POLB: variants seen among roughly 807,000 people sequenced by gnomAD.
POLB encodes the protein 5'-dRP lyase.
POLB carries 37 observed loss-of-function variants against 52.7 expected under a neutral mutation model. The observed-to-expected ratio is 0.70, with a 90% confidence interval of 0.54 to 0.92. The LOEUF (loss-of-function observed/expected upper bound fraction) is 0.92, where lower values mean the gene tolerates loss of function less well. Among genes scored for constraint, POLB ranks in the 40% least tolerant of loss-of-function variants. The pLI is 0.00. For synonymous variants in POLB, 138 were observed against 131.3 expected (o/e 1.05, Z -0.35); for missense variants, 313 against 400.8 (o/e 0.78, Z 1.87).
intron 3 of POLB, among the ~76,000 whole-genome samples, chr8:42,348,290 C>CAAAAA (rs1822757253): frequency 6.6e-6 from 1 of 152,182 alleles, no homozygotes; most frequent in Non-Finnish European, 1.5e-5. Flanking sequence ...TCTGCTCTCC[C>CAAAAA]AAAACTTAGA....
intron 11 of POLB, among the ~76,000 whole-genome samples, chr8:42,364,117 A>G (rs1387387381): frequency 6.6e-6 from 1 of 152,012 alleles, no homozygotes; most frequent in Non-Finnish European, 1.5e-5. Flanking sequence ...AGTAGAGACC[A>G]GGTTTCACCA....
intron 2 of POLB, chr8:42,341,900 T>C (rs1434945234): frequency 3.2e-6 from 2 of 632,108 alleles, no homozygotes; most frequent in Non-Finnish European, 5.8e-6. Context: ...CTTCTTTTCA[T>C]AGACTGGATT....
intron 6 of POLB, among the ~76,000 whole-genome samples, chr8:42,353,394 C>G (rs1361517627): frequency 6.6e-6 from 1 of 151,876 alleles, no homozygotes; most frequent in Non-Finnish European, 1.5e-5. Context: ...AGGCGTGAGC[C>G]ACCGCGCCTG....
At chr8:42,357,702 G>A in intron 9 of POLB, 1 of 228,352 alleles carries the variant, frequency 4.4e-6, no homozygotes, top group African/African-American at 2.3e-5. Flanking sequence ...GTTGTGGGTA[G>A]TTTTGTTAAT....
intron 13 of POLB, among the ~76,000 whole-genome samples, chr8:42,370,740 T>C (rs1427173396): frequency 6.6e-6 from 1 of 152,154 alleles, no homozygotes. Context: ...AGAAGAATAA[T>C]TGTCTTGGGC....
intron 5 of POLB, among the ~76,000 whole-genome samples, chr8:42,352,167 T>G (rs571404601): frequency 6.6e-6 from 1 of 152,244 alleles, no homozygotes; most frequent in Non-Finnish European, 1.5e-5. Context: ...TCTACCCACT[T>G]ACATTCTTAT....
chr8:42,345,024 G>A lies in POLB; in HGVS notation c.186+5G>A, dbSNP rs1372340346. On this transcript the variant is annotated splice_donor_5th_base_variant and intron_variant, in intron 3 of 13. Transcript: ENST00000265421. Reference sequence around the variant, plus strand: ...GGAGCTGAAGCTAAGAAATTGGTAAGTTTAGTTAGCATGTTGATCGAAGAG... The same window carrying A: ...GGAGCTGAAGCTAAGAAATTGGTAAATTTAGTTAGCATGTTGATCGAAGAG... 1 of 1,596,632 alleles carries A rather than the reference G, an allele frequency of 6.3e-7. No individual in the cohort carries two copies. Among genetic ancestry groups the A allele is most frequent in the Non-Finnish European group, 8.6e-7 (1 of 1,164,088 alleles).
intron 10 of POLB, among the ~76,000 whole-genome samples, chr8:42,362,166 A>G (rs1563404893): frequency 6.6e-6 from 1 of 152,090 alleles, no homozygotes; most frequent in South Asian, 2.1e-4. Context: ...AGGCTGAGGC[A>G]GGAGAATCGC....
At chr8:42,371,202 C>A (rs1585928089) in intron 13 of POLB, among the ~76,000 whole-genome samples, 1 of 152,316 alleles carries the variant, frequency 6.6e-6, no homozygotes, top group Admixed American at 6.5e-5. Context: ...CGGCTCACTG[C>A]AACCTCTGCC....
intron 7 of POLB, 147 bp from the exon 8 acceptor site, chr8:42,357,022 G>A: frequency 3.5e-6 from 2 of 578,700 alleles, no homozygotes; most frequent in Non-Finnish European, 6.2e-6. Context: ...CAATTTTGCT[G>A]TTGTCATCTC....
At chr8:42,343,340 AAAAAAATATATAT>A (rs1822348625) in intron 2 of POLB, among the ~76,000 whole-genome samples, 1 of 48,222 alleles carries the variant, frequency 2.1e-5, no homozygotes, top group African/African-American at 3.9e-5. Flanking sequence ...AAAAAAAAAA[AAAAAAATATATAT>A]ATATATATAT....
intron 10 of POLB, among the ~76,000 whole-genome samples, chr8:42,362,264 AAAATAAAATAAAATAAAAT>A (rs1563405038): frequency 1.4e-5 from 2 of 147,680 alleles, no homozygotes; most frequent in African/African-American, 5.0e-5. Context: ...ATCTAAAAAT[AAAATAAAATAAAATAAAAT>A]AAAATAAAAT....
chr8:42,369,887 A>C lies in POLB; in HGVS notation c.812A>C (p.Tyr271Ser), dbSNP rs141666437. Residue 271 changes from tyrosine (Y) to serine (S), a missense_variant, in exon 13 of 14, where the codon TAT (tyrosine) becomes TCT (serine). Tyr to Ser is a moderately radical substitution (Grantham distance 144). Around this residue, in one of 3 missense-constraint regions of POLB, gnomAD observed 246 missense variants for 297.6 expected, o/e 0.83. Coordinates refer to ENST00000265421, the MANE Select transcript of POLB (RefSeq NM_002690.3). ...PKDQYYCGVLYFTGSDIFNKN... is the reference protein window; with the variant it reads ...PKDQYYCGVLSFTGSDIFNKN... ...GATCAGTATTACTGTGGTGTTCTCT[A>C]TTTCACTGGGAGTGATATTTTCAAT... 6.2e-7 allele frequency: 1 copy of C among 1,606,308 alleles called. No homozygotes were observed.
chr8:42,346,341 C>T (rs1274019358), intron 3 of POLB, among the ~76,000 whole-genome samples: 2 of 151,494 alleles, frequency 1.3e-5, no homozygotes, highest in Admixed American at 1.3e-4. Context: ...ATCTTTTAAC[C>T]TTCTCAGGAG....
chr8:42,369,084 C>G, intron 11 of POLB, 187 bp from the exon 12 acceptor site: 1 of 425,580 alleles, frequency 2.3e-6, no homozygotes, highest in Non-Finnish European at 4.2e-6. Context: ...GTGTAGTTCT[C>G]TAATTATCGT....
rs1822878625 is a variant in POLB, at chr8:42,350,057, T to C, written c.312T>C (p.Ser104=). The change falls in exon 5 of 14, where the codon AGT becomes AGC. Residue 104 remains serine, a synonymous_variant. Transcript: ENST00000265421. ...SSSINFLTRV[S]GIGPSAARKF... ...CCATCAATTTCCTGACTCGAGTTAG[T>C]GGCATTGGGTAAGAACTATTTTTTA... The C allele has an allele frequency of 6.3e-7, 1 of 1,593,422 alleles. No individual in the cohort carries two copies. Among genetic ancestry groups the C allele is most frequent in the African/African-American group, 1.3e-5 (1 of 74,586 alleles).
chr8:42,362,280 A>AAATAT lies in POLB; in HGVS notation c.622-328_622-327insTAATA, dbSNP rs1273758480. The stretch of plus-strand genomic sequence containing the variant: ...TCTAAAAATAAAATAAAATAAAATA[A>AAATAT]AATAAAATAAAATAAAATAGAGATT... On this transcript the variant is annotated intron_variant, in intron 10 of 13. Coordinates refer to ENST00000265421, the MANE Select transcript of POLB (RefSeq NM_002690.3). Among the ~76,000 whole-genome samples the AAATAT allele has an allele frequency of 3.8e-4, 58 of 151,642 alleles. 1 individual carries two copies. The highest frequency in any genetic ancestry group is 1.3e-4 in the Admixed American group (2 of 15,262).
intron 4 of POLB, 75 bp from the exon 5 acceptor site, chr8:42,349,931 TG>T: frequency 2.0e-6 from 2 of 978,422 alleles, no homozygotes. Flanking sequence ...TTTAGCAGAC[TG>T]GTATGTTTCC....
At chr8:42,352,840 G>A (rs554259490) in intron 6 of POLB, among the ~76,000 whole-genome samples, 4 of 152,012 alleles carry the variant, frequency 2.6e-5, no homozygotes, top group Non-Finnish European at 4.4e-5. Flanking sequence ...CAGCACTTTG[G>A]GAGGCGGGTG....
Sources: allele counts gnomAD v4.1 joint callset (sites outside exome capture counted in the v4.1 genomes callset), GRCh38; gene constraint gnomAD v4.1.1; regional missense constraint gnomAD v4.1.1; transcripts MANE v1.5; gene names NCBI Gene and HGNC (gene_info 2026-07-23, HGNC 2026-07-21).